KSR1: variants seen among roughly 807,000 people sequenced by gnomAD.
KSR1 encodes the protein kinase suppressor of ras.
Under a neutral mutation model 92.9 loss-of-function variants are expected in KSR1, and 35 were observed. The observed-to-expected ratio is 0.38, with a 90% CI of 0.29 to 0.50. The LOEUF is 0.50. Ranked by LOEUF, KSR1 falls within the 20% of genes least tolerant of loss-of-function variation. The pLI, the probability that KSR1 is intolerant of heterozygous loss-of-function variation, is 0.94. For synonymous variants in KSR1, 467 were observed against 472.6 expected (o/e 0.99, Z 0.15); for missense variants, 972 against 1,158.5 (o/e 0.84, Z 2.34).
At chr17:27,522,562 C>T (rs1484828461) in intron 1 of KSR1, among the ~76,000 whole-genome samples, 1 of 152,184 alleles carries the variant, frequency 6.6e-6, no homozygotes, top group African/African-American at 2.4e-5. Flanking sequence ...TTTTCAGCAG[C>T]CTGCCTGAGA....
intron 1 of KSR1, among the ~76,000 whole-genome samples, chr17:27,550,117 G>A (rs1393419732): frequency 2.0e-5 from 3 of 152,178 alleles, no homozygotes; most frequent in Admixed American, 2.0e-4. Flanking sequence ...ATGGCTCACT[G>A]CAGCCTTGAC....
At chr17:27,458,314 G>A (rs370689720) in intron 1 of KSR1, among the ~76,000 whole-genome samples, 1 of 152,140 alleles carries the variant, frequency 6.6e-6, no homozygotes, top group Non-Finnish European at 1.5e-5. Context: ...ACAACAATAG[G>A]GGGCCTGTGA....
rs375771719 is a variant in KSR1 at position 27,578,120 on chromosome 17, G to A, written c.520+481G>A. 576 of 209,490 alleles carry A rather than the reference G, an allele frequency of 2.7e-3. 15 individuals are homozygous for A. The South Asian group carries it at 0.034, about 12-fold the overall frequency. The allele number at this position is 209,490 out of a possible 1,614,324, so 13.0% of individuals were successfully genotyped here. Reference sequence around the variant, plus strand: ...TGTACGTGGCTGTCCCAGGCAAAGTGTGTAATCCTGGCCTTGCCACGAGGT... The same window carrying A: ...TGTACGTGGCTGTCCCAGGCAAAGTATGTAATCCTGGCCTTGCCACGAGGT... On this transcript the variant is annotated intron_variant, in intron 3 of 20. Coordinates refer to ENST00000644974, the MANE Select transcript of KSR1 (RefSeq NM_001394583.1).
In KSR1 at chr17:27,615,127, T is replaced by A. The variant is rs2074023250; in HGVS notation, c.2494-2168T>A. On this transcript the variant is annotated intron_variant, in intron 18 of 20. Coordinates refer to ENST00000644974, the MANE Select transcript of KSR1 (RefSeq NM_001394583.1). ...AATGAAAACCAGCAGTCCCTCACCCTAGATCATTCTCCAAAGGCATCACCT... is the reference window on the plus strand; with the variant it reads ...AATGAAAACCAGCAGTCCCTCACCCAAGATCATTCTCCAAAGGCATCACCT... Among the ~76,000 whole-genome samples the A allele has an allele frequency of 2.0e-5, 3 of 152,204 alleles. No homozygotes were observed. In the South Asian group the frequency reaches 6.2e-4, roughly 32 times the overall value.
rs115532246 is a variant in KSR1 at position 27,549,223 on chromosome 17, G to C, written c.232-1345G>C. 5.4e-3 allele frequency among the ~76,000 whole-genome samples: 827 copies of C among 152,350 alleles called. 5 individuals are homozygous for C. Among genetic ancestry groups the C allele is most frequent in the African/African-American group, 0.019 (804 of 41,576 alleles). On this transcript the variant is annotated intron_variant, in intron 1 of 20. Transcript: ENST00000644974. ...ACAGGTTCCTGTAAGAGACTGTGAA[G>C]GTGGTACTTATTTTGGGGGGACACT...
intron 1 of KSR1, among the ~76,000 whole-genome samples, chr17:27,511,350 G>C (rs2069592746): frequency 6.6e-6 from 1 of 152,256 alleles, no homozygotes; most frequent in Non-Finnish European, 1.5e-5. Context: ...CACCAGTGTG[G>C]AGAGGTAGAA....
At chr17:27,544,537 C>G (rs1195166591) in intron 1 of KSR1, among the ~76,000 whole-genome samples, 1 of 152,218 alleles carries the variant, frequency 6.6e-6, no homozygotes, top group Non-Finnish European at 1.5e-5. Flanking sequence ...ATACTATTCT[C>G]TTTCTGTAAG....
intron 1 of KSR1, among the ~76,000 whole-genome samples, chr17:27,501,004 T>C (rs925365139): frequency 6.6e-6 from 1 of 152,204 alleles, no homozygotes; most frequent in Non-Finnish European, 1.5e-5. Flanking sequence ...GCCCTTCCTA[T>C]GTACCAGGCA....
intron 2 of KSR1, among the ~76,000 whole-genome samples, chr17:27,563,122 C>A (rs1003597537): frequency 2.0e-5 from 3 of 152,202 alleles, no homozygotes; most frequent in African/African-American, 7.2e-5. Flanking sequence ...CCTGACTAGT[C>A]CTCGGACTGT....
At chr17:27,537,429 C>T (rs2070788915) in intron 1 of KSR1, among the ~76,000 whole-genome samples, 1 of 152,214 alleles carries the variant, frequency 6.6e-6, no homozygotes, top group South Asian at 2.1e-4. Context: ...CAGTGGCTCA[C>T]ACCTGTAATC....
intron 1 of KSR1, among the ~76,000 whole-genome samples, chr17:27,544,145 T>C (rs1395363664): frequency 2.0e-5 from 3 of 152,192 alleles, no homozygotes; most frequent in East Asian, 3.8e-4. Context: ...ATCAACCCCA[T>C]TTTACAGGTA....
At chr17:27,530,160 C>A (rs1479652187) in intron 1 of KSR1, among the ~76,000 whole-genome samples, 3 of 152,188 alleles carry the variant, frequency 2.0e-5, no homozygotes, top group Non-Finnish European at 4.4e-5. Flanking sequence ...GGTTTTGCTC[C>A]ATCTAAAGAC....
chr17:27,503,489 A>T (rs58631275), intron 1 of KSR1, among the ~76,000 whole-genome samples: 5 of 152,316 alleles, frequency 3.3e-5, no homozygotes, highest in African/African-American at 1.2e-4. Context: ...ACTTGAGGTC[A>T]GAAGTTCGAG....
intron 14 of KSR1, 47 bp from the exon 15 acceptor site, chr17:27,607,867 G>A: frequency 7.0e-7 from 1 of 1,436,236 alleles, no homozygotes; most frequent in African/African-American, 1.4e-5. Context: ...TTGGGGTCAG[G>A]CCGCACCAGC....
At chr17:27,586,372 TAGG>T (rs757545974) in intron 5 of KSR1, among the ~76,000 whole-genome samples, 1 of 152,202 alleles carries the variant, frequency 6.6e-6, no homozygotes, top group African/African-American at 2.4e-5. Context: ...CTGAGCAAAA[TAGG>T]AGTTTATTTT....
intron 19 of KSR1, among the ~76,000 whole-genome samples, chr17:27,620,445 T>C (rs1418896677): frequency 6.6e-6 from 1 of 152,250 alleles, no homozygotes; most frequent in African/African-American, 2.4e-5. Flanking sequence ...TTTGTATTCC[T>C]GGCTCCTAGT....
chr17:27,512,101 T>C (rs1221207626), intron 1 of KSR1, among the ~76,000 whole-genome samples: 1 of 152,216 alleles, frequency 6.6e-6, no homozygotes, highest in Admixed American at 6.5e-5. Flanking sequence ...GGTGTGTCTC[T>C]AGCCTTTGTT....
rs558274169 is a variant in KSR1, at chr17:27,457,990, C to T, written c.231+1116C>T. Among the ~76,000 whole-genome samples, 4 of 148,694 alleles carry T rather than the reference C, an allele frequency of 2.7e-5. No individual in the cohort carries two copies. In the East Asian group the frequency reaches 8.0e-4, roughly 30 times the overall value. On this transcript the variant is annotated intron_variant, in intron 1 of 20. Coordinates refer to ENST00000644974, the MANE Select transcript of KSR1 (RefSeq NM_001394583.1). Reference sequence around the variant, plus strand: ...TCGCGGTAATTATTACAAGACCAATCCTTCCTCCAGGCATGCCACAAAGCC... The same window carrying T: ...TCGCGGTAATTATTACAAGACCAATTCTTCCTCCAGGCATGCCACAAAGCC...
intron 1 of KSR1, among the ~76,000 whole-genome samples, chr17:27,543,042 G>A (rs1171455206): frequency 6.6e-6 from 1 of 152,222 alleles, no homozygotes; most frequent in Non-Finnish European, 1.5e-5. Flanking sequence ...TAAACAGGAG[G>A]CGTGGCTCAT....
Sources: gnomAD v4.1 joint callset for allele counts (sites outside exome capture counted in the v4.1 genomes callset) on GRCh38, gnomAD v4.1.1 for gene constraint, MANE v1.5 for transcripts, NCBI Gene and HGNC (gene_info 2026-07-23, HGNC 2026-07-21) for gene names.